The following MLLT3 variants were observed in gnomAD, a reference collection of about 807,000 sequenced individuals.
MLLT3 encodes the protein protein AF-9.
In MLLT3, 4 loss-of-function variants were observed where a neutral mutation model predicts 53.2. The observed-to-expected ratio is 0.08, with a 90% CI of 0.04 to 0.17. The LOEUF (loss-of-function observed/expected upper bound fraction) is 0.17, where lower values mean the gene tolerates loss of function less well. MLLT3 is among the 10% of genes least tolerant of loss of function. The pLI is 1.00. For synonymous variants in MLLT3, 283 were observed against 230.6 expected, an observed-to-expected ratio of 1.23 and a Z score of -2.06; for missense variants, 569 against 684.0, an observed-to-expected ratio of 0.83 and a Z score of 1.87.
chr9:20,535,822 T>A (rs946404837), intron 2 of MLLT3, among the ~76,000 whole-genome samples: 1 of 152,152 alleles, frequency 6.6e-6, no homozygotes, highest in Non-Finnish European at 1.5e-5. Flanking sequence ...TACCGGCAAG[T>A]GTTAGGAGAA....
chr9:20,402,269 A>G (rs1245034274), intron 5 of MLLT3, among the ~76,000 whole-genome samples: 2 of 152,204 alleles, frequency 1.3e-5, no homozygotes, highest in African/African-American at 2.4e-5. Flanking sequence ...AACAGTTTCA[A>G]GAGCAAAAGC....
In MLLT3 at chr9:20,621,879, A is replaced by G; in HGVS notation, c.12+366T>C. The G allele has an allele frequency of 7.3e-7, 1 of 1,366,234 alleles. No homozygotes were observed. The highest frequency in any genetic ancestry group is 9.4e-7 in the Non-Finnish European group (1 of 1,067,710). 84.6% of individuals were successfully genotyped at this position (1,366,234 alleles called of 1,614,324 possible). A position where few individuals can be genotyped will look rare whatever the true frequency, so the allele number is the denominator to read the frequency against. On this transcript the variant is annotated intron_variant, in intron 1 of 10. Coordinates refer to ENST00000380338, the MANE Select transcript of MLLT3 (RefSeq NM_004529.4). This position sits in a 1 kb window ranked among gnomAD's most constrained non-coding sequence, Gnocchi z 7.0. ...GGCGGCGGCGGCTGAAATATGGCTG[A>G]GTTATTATTCGCCTCCTTCCACCGT...
intron 2 of MLLT3, among the ~76,000 whole-genome samples, chr9:20,594,235 C>T (rs1820196481): frequency 2.0e-5 from 3 of 152,238 alleles, no homozygotes; most frequent in Admixed American, 2.0e-4. Context: ...GACACCGTGC[C>T]CAACCAATGT....
At chr9:20,418,255 T>C (rs1822921528) in intron 4 of MLLT3, 1 of 152,142 alleles carries the variant, frequency 6.6e-6, no homozygotes, top group South Asian at 2.1e-4. Flanking sequence ...ACAAGTCTCC[T>C]CTAAAATGTC....
At chr9:20,570,336 T>C (rs1563823011) in intron 2 of MLLT3, among the ~76,000 whole-genome samples, 2 of 152,196 alleles carry the variant, frequency 1.3e-5, no homozygotes. Flanking sequence ...ATGGTAGTAA[T>C]AAACAACAAC....
intron 2 of MLLT3, among the ~76,000 whole-genome samples, chr9:20,579,090 G>A (rs748570000): frequency 2.6e-5 from 4 of 152,190 alleles, no homozygotes; most frequent in Non-Finnish European, 4.4e-5. Flanking sequence ...AGCCAGGTAT[G>A]ATAGCTCGTG....
intron 4 of MLLT3, among the ~76,000 whole-genome samples, chr9:20,433,958 C>CAAAAAAAA (rs773196575): frequency 5.2e-5 from 7 of 133,876 alleles, no homozygotes; most frequent in South Asian, 2.4e-4. Context: ...ACTAAAAATA[C>CAAAAAAAA]AAAAAAAAAA....
At chr9:20,539,075 A>C (rs1399392436) in intron 2 of MLLT3, among the ~76,000 whole-genome samples, 2 of 152,344 alleles carry the variant, frequency 1.3e-5, no homozygotes, top group African/African-American at 4.8e-5. Context: ...CCAACTGATC[A>C]GGGTGGTGGT....
intron 2 of MLLT3, among the ~76,000 whole-genome samples, chr9:20,507,978 TA>T (rs2118954887): frequency 6.6e-6 from 1 of 152,280 alleles, no homozygotes; most frequent in East Asian, 1.9e-4. Flanking sequence ...GTAGCCATAA[TA>T]AATCTGGAAA....
chr9:20,576,640 G>C (rs569549194), intron 2 of MLLT3, among the ~76,000 whole-genome samples: 1 of 152,046 alleles, frequency 6.6e-6, no homozygotes, highest in Non-Finnish European at 1.5e-5. Flanking sequence ...ATATGGGCAC[G>C]CTTCATGGCA....
chr9:20,524,438 C>T (rs530996174), intron 2 of MLLT3, among the ~76,000 whole-genome samples: 1 of 151,926 alleles, frequency 6.6e-6, no homozygotes, highest in East Asian at 1.9e-4. Flanking sequence ...ATGTTTCCAC[C>T]AGATGAAATG....
At chr9:20,525,778 C>T (rs550631664) in intron 2 of MLLT3, among the ~76,000 whole-genome samples, 2 of 152,292 alleles carry the variant, frequency 1.3e-5, no homozygotes, top group African/African-American at 4.8e-5. Context: ...TCAGTCCAGG[C>T]TTTTAATACC....
intron 2 of MLLT3, among the ~76,000 whole-genome samples, chr9:20,554,606 T>TAA (rs1819008223): frequency 6.6e-6 from 1 of 152,138 alleles, no homozygotes; most frequent in Admixed American, 6.5e-5. Flanking sequence ...ACAAAGCTGA[T>TAA]TATATATACT....
chr9:20,427,118 C>T (rs1319081480), intron 4 of MLLT3, among the ~76,000 whole-genome samples: 1 of 151,926 alleles, frequency 6.6e-6, no homozygotes, highest in Non-Finnish European at 1.5e-5. Flanking sequence ...CACAAAGAAA[C>T]AAGCCACCAT....
intron 2 of MLLT3, among the ~76,000 whole-genome samples, chr9:20,587,524 A>G (rs1462894200): frequency 1.6e-5 from 2 of 122,562 alleles, no homozygotes; most frequent in East Asian, 4.1e-4. Context: ...CTAAATTCTA[A>G]GATAAAAGAA....
intron 2 of MLLT3, among the ~76,000 whole-genome samples, chr9:20,534,237 G>A (rs563772656): frequency 6.6e-6 from 1 of 152,140 alleles, no homozygotes; most frequent in Admixed American, 6.5e-5. Context: ...GCTACCGTGG[G>A]AGAACTGACC....
At chr9:20,577,180 A>G (rs1286861947) in intron 2 of MLLT3, among the ~76,000 whole-genome samples, 1 of 152,162 alleles carries the variant, frequency 6.6e-6, no homozygotes, top group African/African-American at 2.4e-5. Context: ...CAAATTTAAT[A>G]TATTTAATAA....
intron 5 of MLLT3, among the ~76,000 whole-genome samples, chr9:20,404,908 C>A (rs376424547): frequency 6.6e-6 from 1 of 152,082 alleles, no homozygotes; most frequent in East Asian, 1.9e-4. Context: ...TGGCTATGTT[C>A]CTGAGGAAGG....
chr9:20,605,335 C>G (rs574894055), intron 2 of MLLT3, among the ~76,000 whole-genome samples: 1 of 152,064 alleles, frequency 6.6e-6, no homozygotes, highest in African/African-American at 2.4e-5. Context: ...TCTACTTACC[C>G]TGTGGAAAAC....
Sources: allele counts gnomAD v4.1 joint callset (sites outside exome capture counted in the v4.1 genomes callset), GRCh38; gene constraint gnomAD v4.1.1; non-coding constraint Gnocchi (gnomAD v3.1); transcripts MANE v1.5; gene names NCBI Gene and HGNC (gene_info 2026-07-23, HGNC 2026-07-21).